The following AP1B1 variants were observed in gnomAD, a reference collection of about 807,000 sequenced individuals.
AP1B1 encodes AP-1 complex subunit beta-1.
In AP1B1, 36 loss-of-function variants were observed where a neutral mutation model predicts 104.3. The observed-to-expected ratio is 0.35, with a 90% CI of 0.26 to 0.46. The LOEUF is 0.46. Ranked by LOEUF, AP1B1 falls within the 20% of genes least tolerant of loss-of-function variation. The pLI is 1.00. For synonymous variants in AP1B1, 504 were observed against 517.5 expected (o/e 0.97, Z 0.35); for missense variants, 901 against 1,247.9 (o/e 0.72, Z 4.19).
At chr22:29,377,990 T>G (rs1305231281) in intron 1 of AP1B1, among the ~76,000 whole-genome samples, 1 of 152,040 alleles carries the variant, frequency 6.6e-6, no homozygotes, top group Non-Finnish European at 1.5e-5. Flanking sequence ...GTCACACATG[T>G]CCCACTCTGT....
intron 20 of AP1B1, 35 bp from the exon 21 acceptor site, chr22:29,330,567 A>G: frequency 2.5e-6 from 4 of 1,610,508 alleles, no homozygotes; most frequent in South Asian, 1.1e-5. Flanking sequence ...GGCCCCAGTC[A>G]GCGCGGGGGC....
At chr22:29,380,887 T>C (rs1370784716) in intron 1 of AP1B1, among the ~76,000 whole-genome samples, 1 of 152,154 alleles carries the variant, frequency 6.6e-6, no homozygotes, top group African/African-American at 2.4e-5. Context: ...GTCTTACTCA[T>C]AGTAAAAGCC....
At chr22:29,380,629 T>C (rs930205565) in intron 1 of AP1B1, among the ~76,000 whole-genome samples, 1 of 152,154 alleles carries the variant, frequency 6.6e-6, no homozygotes, top group Non-Finnish European at 1.5e-5. Context: ...CATACTCTCC[T>C]TTAAATCTAT....
In AP1B1 at chr22:29,363,125, C is replaced by G; in HGVS notation, c.38-19G>C. 1 of 1,107,270 alleles carries G rather than the reference C, an allele frequency of 9.0e-7. No homozygotes were observed. The allele number at this position is 1,107,270 out of a possible 1,614,324, so 68.6% of individuals were successfully genotyped here. A position where few individuals can be genotyped will look rare whatever the true frequency, so the allele number is the denominator to read the frequency against. Reference sequence around the variant, plus strand: ...ATCTCCCCTAAGGAAAGGAGGCAAGCATGAGTGATCCCTCCCTACCCTGGC... The same window carrying G: ...ATCTCCCCTAAGGAAAGGAGGCAAGGATGAGTGATCCCTCCCTACCCTGGC... On this transcript the variant is annotated intron_variant, in intron 2 of 22. Coordinates refer to ENST00000357586, the MANE Select transcript of AP1B1 (RefSeq NM_001127.4).
intron 1 of AP1B1, among the ~76,000 whole-genome samples, chr22:29,385,127 G>A (rs920499602): frequency 2.2e-4 from 33 of 152,218 alleles, no homozygotes; most frequent in African/African-American, 8.0e-4. Flanking sequence ...GCTCACGCCT[G>A]TAATCCCAGC....
At chr22:29,349,108 G>A (rs969092150) in intron 11 of AP1B1, 110 bp downstream of exon 11, 2 of 1,312,886 alleles carry the variant, frequency 1.5e-6, no homozygotes, top group Non-Finnish European at 2.1e-6. Flanking sequence ...TCATCTGTCT[G>A]TCAGGGCTGT....
chr22:29,375,687 A>C (rs950982418), intron 1 of AP1B1, among the ~76,000 whole-genome samples: 4 of 152,214 alleles, frequency 2.6e-5, no homozygotes, highest in Non-Finnish European at 5.9e-5. Flanking sequence ...ATCTGGCCCT[A>C]CTACCAACAG....
At position 29,328,962 on chromosome 22, in the gene AP1B1, G is replaced by T. The variant is rs553681682; in HGVS notation, c.2776-67C>A. ...TGGGGTTCCTCTCAGGAAGGAAAGG[G>T]GTGGGGAAGAGAGCAGGAACCAATG... On this transcript the variant is annotated intron_variant, in intron 22 of 22. Coordinates refer to ENST00000357586, the MANE Select transcript of AP1B1 (RefSeq NM_001127.4). This position sits in a 1 kb window ranked among gnomAD's most constrained non-coding sequence, Gnocchi z 4.1. 1.4e-5 allele frequency: 22 copies of T among 1,565,932 alleles called. No homozygotes were observed. The African/African-American group carries it at 2.8e-4, about 20-fold the overall frequency.
Position 29,351,825 on chromosome 22 carries a change from C to A in AP1B1, c.939G>T (p.Arg313Ser). 2.5e-6 allele frequency: 4 copies of A among 1,614,108 alleles called. No individual in the cohort carries two copies. The highest frequency in any genetic ancestry group is 3.4e-6 in the Non-Finnish European group (4 of 1,179,996). ...LRNINLIVQK[R>S]PEILKHEMKV... is the part of the protein sequence containing the mutation. ...TCATCTCATGCTTCAGGATCTCAGG[C>A]CTGGTGGTGGGGCAGGATGCCCGGA... is the stretch of plus-strand genomic sequence containing the variant. The change falls in exon 8 of 23, where the codon AGG becomes AGT. Residue 313 changes from arginine (R) to serine (S), a missense_variant and splice_region_variant. Transcript: ENST00000357586.
intron 17 of AP1B1, among the ~76,000 whole-genome samples, chr22:29,332,644 T>C (rs2061578782): frequency 6.6e-6 from 1 of 152,172 alleles, no homozygotes; most frequent in African/African-American, 2.4e-5. Context: ...TCCTATCCTC[T>C]AGATGAGGAC....
intron 6 of AP1B1, among the ~76,000 whole-genome samples, chr22:29,356,032 C>T (rs1355254575): frequency 6.6e-6 from 1 of 152,192 alleles, no homozygotes; most frequent in African/African-American, 2.4e-5. Flanking sequence ...CTGGAGCTCC[C>T]TCATCTGGAA....
chr22:29,356,399 C>T, intron 6 of AP1B1, 27 bp downstream of exon 6: 1 of 1,591,108 alleles, frequency 6.3e-7, no homozygotes, highest in South Asian at 1.1e-5. Context: ...TCAAGCTGGG[C>T]TGGCAAGCAA....
Position 29,328,494 on chromosome 22 carries a change from C to T in AP1B1, c.*327G>A, listed in dbSNP as rs138230280. 2.1e-3 allele frequency: 561 copies of T among 267,186 alleles called. 3 individuals carry two copies. The highest frequency in any genetic ancestry group is 0.012 in the Middle Eastern group (10 of 804). The allele number at this position is 267,186 out of a possible 1,614,324, so 16.6% of individuals were successfully genotyped here. A position where few individuals can be genotyped will look rare whatever the true frequency, so the allele number is the denominator to read the frequency against. Reference sequence around the variant, plus strand: ...GCCAGGGGCTGCCGGGGCTGTGAGCCGGAGGGGCAAGCTCCACACTCACCC... The same window carrying T: ...GCCAGGGGCTGCCGGGGCTGTGAGCTGGAGGGGCAAGCTCCACACTCACCC... On this transcript the variant is annotated 3_prime_UTR_variant, in exon 23 of 23. Coordinates refer to ENST00000357586, the MANE Select transcript of AP1B1 (RefSeq NM_001127.4). This position sits in a 1 kb window ranked among gnomAD's most constrained non-coding sequence, Gnocchi z 4.1.
Position 29,359,812 on chromosome 22 carries a change from G to C in AP1B1, c.279+12C>G. On this transcript the variant is annotated intron_variant, in intron 4 of 22. Transcript: ENST00000357586. Reference sequence around the variant, plus strand: ...CACCCAATGTCCCCACGCCCACCAAGCGTCTGCTCACCTTCACAAAGGTGT... The same window carrying C: ...CACCCAATGTCCCCACGCCCACCAACCGTCTGCTCACCTTCACAAAGGTGT... 1 of 1,610,586 alleles carries C rather than the reference G, an allele frequency of 6.2e-7. No homozygotes were observed. Among genetic ancestry groups the C allele is most frequent in the Non-Finnish European group, 8.5e-7 (1 of 1,177,932 alleles).
chr22:29,329,051 G>C, intron 22 of AP1B1, 156 bp from the exon 23 acceptor site: 1 of 1,439,866 alleles, frequency 6.9e-7, no homozygotes, highest in Non-Finnish European at 9.1e-7. Flanking sequence ...AGGTAAAGCG[G>C]AGGGGGCGGC....
Position 29,334,272 on chromosome 22 carries a change from G to T in AP1B1, c.2302C>A (p.Arg768Ser), listed in dbSNP as rs755211454. The T allele has an allele frequency of 2.5e-6, 4 of 1,597,996 alleles. No homozygotes were observed. In the African/African-American group the frequency reaches 5.4e-5, roughly 22 times the overall value. ...GCCTCAGGGAGCTCTCACCTGTTGC[G>T]GTTGAACTGGATGGCAAAGTCGGTC... is the stretch of plus-strand genomic sequence containing the variant. ...VMTDFAIQFN[R>S]NSFGLAPAAP... Residue 768 changes from arginine to serine, a missense_variant, in exon 17 of 23, where the codon CGC becomes AGC. By Grantham distance (110) the Arg-to-Ser change is moderately radical (BLOSUM62 -1). Coordinates refer to ENST00000357586, the MANE Select transcript of AP1B1 (RefSeq NM_001127.4).
intron 16 of AP1B1, among the ~76,000 whole-genome samples, chr22:29,337,037 T>G (rs191838945): frequency 6.6e-6 from 1 of 152,334 alleles, no homozygotes; most frequent in East Asian, 1.9e-4. Context: ...ATCCAGGTAG[T>G]AAGTCAACTG....
At position 29,349,400 on chromosome 22, in the gene AP1B1, C is replaced by T. The variant is rs1422127367; in HGVS notation, c.1272-17G>A. 6.2e-7 allele frequency: 1 copy of T among 1,612,472 alleles called. No individual in the cohort carries two copies. Among genetic ancestry groups the T allele is most frequent in the Non-Finnish European group, 8.5e-7 (1 of 1,179,492 alleles). ...CTCTCATACCTGGGAGACCAGGGCA[C>T]AGTTGGTATGGGAGCCCTCAAGGAG... On this transcript the variant is annotated splice_polypyrimidine_tract_variant and intron_variant, in intron 10 of 22. Transcript: ENST00000357586.
At position 29,359,908 on chromosome 22, in the gene AP1B1, C is replaced by T; in HGVS notation, c.195G>A (p.Leu65=). The T allele has an allele frequency of 6.2e-7, 1 of 1,614,106 alleles. No individual in the cohort carries two copies. The highest frequency in any genetic ancestry group is 8.5e-7 in the Non-Finnish European group (1 of 1,179,994). Residue 65 remains leucine (L), a synonymous_variant, in exon 4 of 23, where the codon CTG becomes CTA. Transcript: ENST00000357586. ...VNCMQTDNLE[L]KKLVYLYLMN... ...TCAAGTAGAGGTATACTAGCTTCTT[C>T]AGCTCCAGGTTGTCCGTCTGCATGC...
Sources: allele counts gnomAD v4.1 joint callset (sites outside exome capture counted in the v4.1 genomes callset), GRCh38; gene constraint gnomAD v4.1.1; non-coding constraint Gnocchi (gnomAD v3.1); transcripts MANE v1.5; gene names NCBI Gene and HGNC (gene_info 2026-07-23, HGNC 2026-07-21).